The following PTPRS variants were observed in gnomAD, a reference collection of about 807,000 sequenced individuals.
PTPRS encodes receptor-type tyrosine-protein phosphatase S.
Under a neutral mutation model 215.3 loss-of-function variants are expected in PTPRS, and 63 were observed. The observed-to-expected ratio is 0.29, with a 90% CI of 0.24 to 0.36. PTPRS has a LOEUF of 0.36. Among genes scored for constraint, PTPRS ranks in the 10% least tolerant of loss-of-function variants. The pLI is 1.00. For missense variants in PTPRS, 2,258 were observed against 2,825.8 expected (o/e 0.80, Z 4.56); for synonymous variants, 1,404 against 1,191.4 (o/e 1.18, Z -3.68).
Position 5,222,537 on chromosome 19 carries a change from A to G in PTPRS, c.3103+152T>C, listed in dbSNP as rs1262601738. 17 of 917,540 alleles carry G rather than the reference A, an allele frequency of 1.9e-5. No homozygotes were observed. In the South Asian group the frequency reaches 2.3e-4, roughly 13 times the overall value. 56.8% of individuals were successfully genotyped at this position (917,540 alleles called of 1,614,324 possible). A position where few individuals can be genotyped will look rare whatever the true frequency, so the allele number is the denominator to read the frequency against. On this transcript the variant is annotated intron_variant, in intron 18 of 37. Transcript: ENST00000262963. The stretch of plus-strand genomic sequence containing the variant: ...ACCGAGGCACGTCCCACCTTTGCCA[A>G]CGCCGGAGCCTCGGGGTCCGGACTT...
intron 37 of PTPRS, 66 bp downstream of exon 37, chr19:5,207,856 A>T: frequency 6.3e-7 from 1 of 1,584,250 alleles, no homozygotes; most frequent in Non-Finnish European, 8.6e-7. Flanking sequence ...ACAGAGGAGG[A>T]AACTGGAGCT....
At chr19:5,334,794 C>A (rs1187566118) in intron 1 of PTPRS, among the ~76,000 whole-genome samples, 2 of 152,134 alleles carry the variant, frequency 1.3e-5, no homozygotes, top group African/African-American at 4.8e-5. Context: ...CAGTGAAGGC[C>A]CCTCCCTGTG....
At chr19:5,333,326 AAT>A (rs1568624781) in intron 1 of PTPRS, among the ~76,000 whole-genome samples, 15 of 49,214 alleles carry the variant, frequency 3.0e-4, no homozygotes, top group Admixed American at 1.4e-3. Context: ...ATAAATAAAT[AAT>A]AATAATAATA....
rs1276439727 is a variant in PTPRS at position 5,211,322 on chromosome 19, A to ATACTC, written c.5234+267_5234+268insGAGTA. On this transcript the variant is annotated intron_variant, in intron 33 of 37. Coordinates refer to ENST00000262963, the MANE Select transcript of PTPRS (RefSeq NM_002850.4). Reference sequence around the variant, plus strand: ...ACCAGTAGTACTCATGAAAATAAGAAATATCCTCAGGGTGTCAGAATTACC... The same window carrying ATACTC: ...ACCAGTAGTACTCATGAAAATAAGAATACTCATATCCTCAGGGTGTCAGAATTACC... Among the ~76,000 whole-genome samples the ATACTC allele has an allele frequency of 2.0e-5, 3 of 152,288 alleles. No individual in the cohort carries two copies. In the East Asian group the frequency reaches 5.8e-4, roughly 29 times the overall value.
intron 1 of PTPRS, 175 bp from the exon 2 acceptor site, chr19:5,286,409 A>G: frequency 2.0e-6 from 1 of 492,252 alleles, no homozygotes; most frequent in Middle Eastern, 5.7e-4. Flanking sequence ...GGCCCTTGCT[A>G]TAGAATTAAG....
intron 1 of PTPRS, among the ~76,000 whole-genome samples, chr19:5,331,037 C>G (rs941961498): frequency 6.8e-6 from 1 of 147,942 alleles, no homozygotes; most frequent in Non-Finnish European, 1.5e-5. Flanking sequence ...CGTCAGGGAG[C>G]GTGTTGGGTG....
At chr19:5,284,715 G>C (rs758170001) in intron 2 of PTPRS, among the ~76,000 whole-genome samples, 72 of 152,264 alleles carry the variant, frequency 4.7e-4, no homozygotes, top group Non-Finnish European at 9.0e-4. Context: ...GGGAGGCAGA[G>C]GCAGGTGGAT....
intron 28 of PTPRS, 116 bp from the exon 29 acceptor site, chr19:5,214,852 G>T: frequency 9.4e-7 from 1 of 1,062,660 alleles, no homozygotes; most frequent in Non-Finnish European, 1.3e-6. Context: ...TCCCCAAGGT[G>T]ACCATGGGAC....
Position 5,287,965 on chromosome 19 carries a change from C to G in PTPRS, c.-94-1731G>C, listed in dbSNP as rs1485777509. 6.3e-4 allele frequency among the ~76,000 whole-genome samples: 2 copies of G among 3,192 alleles called. No homozygotes were observed. The highest frequency in any genetic ancestry group is 5.7e-3 in the African/African-American group (1 of 174). 2.1% of individuals were successfully genotyped at this position (3,192 alleles called of 152,430 possible). A position where few individuals can be genotyped will look rare whatever the true frequency, so the allele number is the denominator to read the frequency against. ...CACACAGTCAGGCAGCAGAGACGGG[C>G]ACACACACACACACACACACACACA... On this transcript the variant is annotated intron_variant, in intron 1 of 37. Coordinates refer to ENST00000262963, the MANE Select transcript of PTPRS (RefSeq NM_002850.4). This position sits in a 1 kb window ranked among gnomAD's most constrained non-coding sequence, Gnocchi z 4.8.
Position 5,206,671 on chromosome 19 carries a change from AC to A in PTPRS, c.*102del. 1.0e-6 allele frequency: 1 copy of A among 974,864 alleles called. No homozygotes were observed. The highest frequency in any genetic ancestry group is 1.6e-6 in the Non-Finnish European group (1 of 629,076). 60.4% of individuals were successfully genotyped at this position (974,864 alleles called of 1,614,324 possible). On this transcript the variant is annotated 3_prime_UTR_variant, in exon 38 of 38. Transcript: ENST00000262963. ...CAGAAACACAGCTGCTGCCGCTGCC[AC>A]CTCCTGCCCTGCCCACTGGGGGTCC... is the stretch of plus-strand genomic sequence containing the variant.
At chr19:5,223,534 G>A (rs1172851559) in intron 17 of PTPRS, among the ~76,000 whole-genome samples, 1 of 150,314 alleles carries the variant, frequency 6.7e-6, no homozygotes, top group East Asian at 2.0e-4. Context: ...AGGATTATAA[G>A]GCCACTGCAC....
At chr19:5,220,234 C>T (rs369887842) in intron 21 of PTPRS, 26 bp downstream of exon 21, 8 of 1,611,816 alleles carry the variant, frequency 5.0e-6, no homozygotes, top group African/African-American at 1.3e-5. Flanking sequence ...CATCTGGGCC[C>T]TGCGGGTTGG....
rs186055560 is a variant in PTPRS at position 5,333,978 on chromosome 19, C to G, written c.-95+6686G>C. Among the ~76,000 whole-genome samples, 16 of 149,332 alleles carry G rather than the reference C, an allele frequency of 1.1e-4. No homozygotes were observed. In the East Asian group the frequency reaches 1.6e-3, roughly 15 times the overall value. On this transcript the variant is annotated intron_variant, in intron 1 of 37. Transcript: ENST00000262963. Reference sequence around the variant, plus strand: ...CCCCCAAATCCCCCCCAAACTCCCCCCTTTGGTGATCACTCGGGCCCACCA... The same window carrying G: ...CCCCCAAATCCCCCCCAAACTCCCCGCTTTGGTGATCACTCGGGCCCACCA...
chr19:5,318,294 T>C (rs1223514295), intron 1 of PTPRS, among the ~76,000 whole-genome samples: 3 of 151,332 alleles, frequency 2.0e-5, no homozygotes, highest in Non-Finnish European at 4.4e-5. Flanking sequence ...TGAGCAAGAT[T>C]GTGCCACTGC....
Position 5,210,902 on chromosome 19 carries a change from A to G in PTPRS, c.5235-97T>C. Reference sequence around the variant, plus strand: ...GGAGGGTCAGGACCAAGCCAGTGACAGCTACACCTACCACCCCACTGCCTG... The same window carrying G: ...GGAGGGTCAGGACCAAGCCAGTGACGGCTACACCTACCACCCCACTGCCTG... On this transcript the variant is annotated intron_variant, in intron 33 of 37. Coordinates refer to ENST00000262963, the MANE Select transcript of PTPRS (RefSeq NM_002850.4). This position sits in a 1 kb window ranked among gnomAD's most constrained non-coding sequence, Gnocchi z 4.5. The G allele has an allele frequency of 6.8e-7, 1 of 1,472,062 alleles. No homozygotes were observed. Among genetic ancestry groups the G allele is most frequent in the Non-Finnish European group, 9.1e-7 (1 of 1,102,896 alleles). The allele number at this position is 1,472,062 out of a possible 1,614,324, so 91.2% of individuals were successfully genotyped here. A position where few individuals can be genotyped will look rare whatever the true frequency, so the allele number is the denominator to read the frequency against.
intron 28 of PTPRS, 50 bp from the exon 29 acceptor site, chr19:5,214,786 T>C: frequency 6.5e-7 from 1 of 1,549,884 alleles, no homozygotes; most frequent in Non-Finnish European, 8.7e-7. Flanking sequence ...TCTTGCTAGT[T>C]TGGCTCTGTG....
At chr19:5,209,068 C>T (rs1360984976) in intron 35 of PTPRS, among the ~76,000 whole-genome samples, 1 of 152,158 alleles carries the variant, frequency 6.6e-6, no homozygotes, top group East Asian at 1.9e-4. Context: ...CTACCACCCA[C>T]TGCTGGTAAC....
chr19:5,258,988 T>C (rs551980464), intron 7 of PTPRS, among the ~76,000 whole-genome samples: 1 of 152,374 alleles, frequency 6.6e-6, no homozygotes, highest in African/African-American at 2.4e-5. Context: ...TTTGAAATTA[T>C]GGTCCTAGAC....
chr19:5,246,769 T>C (rs1490858681), intron 9 of PTPRS, among the ~76,000 whole-genome samples: 2 of 152,172 alleles, frequency 1.3e-5, no homozygotes, highest in African/African-American at 2.4e-5. Flanking sequence ...TGAGAAACTC[T>C]AATGAAATTT....
Sources: allele counts gnomAD v4.1 joint callset (sites outside exome capture counted in the v4.1 genomes callset), GRCh38; gene constraint gnomAD v4.1.1; non-coding constraint Gnocchi (gnomAD v3.1); transcripts MANE v1.5; gene names NCBI Gene and HGNC (gene_info 2026-07-23, HGNC 2026-07-21).